Variants in RHOBTB3 observed in about 807,000 individuals in gnomAD.
The protein encoded by RHOBTB3 is Rho related BTB domain containing 3, also known as rho-related BTB domain-containing protein 3.
Under a neutral mutation model 67.2 loss-of-function variants are expected in RHOBTB3, and 47 were observed. The observed-to-expected ratio is 0.70, with a 90% CI of 0.55 to 0.89. RHOBTB3 has a LOEUF of 0.89. RHOBTB3 is among the 40% of genes least tolerant of loss of function. The pLI is 0.00. For synonymous variants in RHOBTB3, 273 were observed against 274.2 expected, an observed-to-expected ratio of 1.00 and a Z score of 0.04; for missense variants, 631 against 750.0, an observed-to-expected ratio of 0.84 and a Z score of 1.85.
At chr5:95,787,830 G>A (rs1746267190) in intron 10 of RHOBTB3, among the ~76,000 whole-genome samples, 1 of 152,200 alleles carries the variant, frequency 6.6e-6, no homozygotes, top group African/African-American at 2.4e-5. Context: ...AAAACAGTGG[G>A]TGCTAGGATC....
intron 3 of RHOBTB3, 32 bp from the exon 4 acceptor site, chr5:95,748,301 G>T: frequency 1.3e-6 from 2 of 1,537,408 alleles, no homozygotes; most frequent in Non-Finnish European, 1.8e-6. Flanking sequence ...GTTTAATTTC[G>T]AAACTCTTTG....
chr5:95,719,853 C>T (rs558470037), intron 1 of RHOBTB3: 1 of 152,314 alleles, frequency 6.6e-6, no homozygotes, highest in South Asian at 2.1e-4. Flanking sequence ...GAAATGATAT[C>T]TCTCTGTGAT....
At position 95,794,121 on chromosome 5, in the gene RHOBTB3, C is replaced by T. The variant is rs1206402056; in HGVS notation, c.*947C>T. The T allele has an allele frequency of 7.0e-6, 3 of 431,486 alleles. No homozygotes were observed. The highest frequency in any genetic ancestry group is 4.1e-5 in the African/African-American group (2 of 48,502). 26.7% of individuals were successfully genotyped at this position (431,486 alleles called of 1,614,324 possible). On this transcript the variant is annotated 3_prime_UTR_variant, in exon 12 of 12. Transcript: ENST00000379982. ...GGAGGTCTGGACCACCCAGGGCCTC[C>T]ACTGCCACCTTGGCTGGCAAGGGAG...
intron 3 of RHOBTB3, 131 bp from the exon 4 acceptor site, chr5:95,748,202 G>A (rs1744977109): frequency 3.8e-6 from 2 of 523,552 alleles, no homozygotes; most frequent in Non-Finnish European, 6.6e-6. Flanking sequence ...TTAGTGGGTA[G>A]TGGATATACT....
Position 95,737,035 on chromosome 5 carries a change from A to C in RHOBTB3, c.375A>C (p.Ser125=), listed in dbSNP as rs1343375073. The C allele has an allele frequency of 6.2e-7, 1 of 1,603,678 alleles. No homozygotes were observed. The highest frequency in any genetic ancestry group is 1.1e-5 in the South Asian group (1 of 90,506). ...CAGTGATAAAAAGAGCATTAAATTC[A>C]GTTCCAGTAATTATTGCTGCTGTTG... ...YIPVIKRALN[S]VPVIIAAVGT... is the part of the protein sequence containing the mutation. The change falls in exon 3 of 12, where the codon TCA becomes TCC. Residue 125 remains serine, a synonymous_variant. Coordinates refer to ENST00000379982, the MANE Select transcript of RHOBTB3 (RefSeq NM_014899.4).
At chr5:95,768,225 G>C in intron 8 of RHOBTB3, 59 bp downstream of exon 8, 1 of 1,511,208 alleles carries the variant, frequency 6.6e-7, no homozygotes, top group Non-Finnish European at 9.1e-7. Context: ...TTCTTTCCTT[G>C]CTTTCTACTT....
intron 3 of RHOBTB3, among the ~76,000 whole-genome samples, chr5:95,741,502 CT>C (rs5869688): frequency 1.5e-4 from 19 of 125,202 alleles, no homozygotes; most frequent in African/African-American, 2.4e-4. Flanking sequence ...TCTCAATTCT[CT>C]TTTTTTTTTC....
chr5:95,778,096 A>G (rs1745942375), intron 8 of RHOBTB3, among the ~76,000 whole-genome samples: 1 of 151,772 alleles, frequency 6.6e-6, no homozygotes. Context: ...TCCAGCCTGG[A>G]CGACAAAGCA....
chr5:95,755,440 G>A lies in RHOBTB3; in HGVS notation c.727G>A (p.Asp243Asn). The A allele has an allele frequency of 6.2e-7, 1 of 1,611,776 alleles. No individual in the cohort carries two copies. The highest frequency in any genetic ancestry group is 1.3e-5 in the African/African-American group (1 of 74,892). ...LKAEASHYNS[D>N]LNNLLFCCQC... The stretch of plus-strand genomic sequence containing the variant: ...GGCTGAAGCGTCACATTATAACTCT[G>A]ACTTAAATAACTTGCTGTTCTGCTG... Residue 243 changes from aspartate to asparagine, a missense_variant, in exon 6 of 12, where the codon GAC becomes AAC. Coordinates refer to ENST00000379982, the MANE Select transcript of RHOBTB3 (RefSeq NM_014899.4).
intron 2 of RHOBTB3, among the ~76,000 whole-genome samples, chr5:95,735,381 A>C (rs1424004776): frequency 6.6e-6 from 1 of 151,966 alleles, no homozygotes; most frequent in East Asian, 1.9e-4. Context: ...ACTTGTGGGA[A>C]ATGAGTGGCT....
chr5:95,770,717 G>T, intron 8 of RHOBTB3: 1 of 437,392 alleles, frequency 2.3e-6, no homozygotes. Context: ...TCCTAGAATA[G>T]GGCTTGACAT....
intron 6 of RHOBTB3, among the ~76,000 whole-genome samples, chr5:95,761,408 T>C (rs890670032): frequency 6.7e-6 from 1 of 149,672 alleles, no homozygotes; most frequent in Non-Finnish European, 1.5e-5. Flanking sequence ...AGTGGCATGA[T>C]CATGGCTCAC....
Position 95,766,434 on chromosome 5 carries a change from CTAAG to C in RHOBTB3, c.1162-1610_1162-1607del, listed in dbSNP as rs377005322. Among the ~76,000 whole-genome samples the C allele has an allele frequency of 4.6e-5, 7 of 151,966 alleles. No homozygotes were observed. The South Asian group carries it at 1.5e-3, about 32-fold the overall frequency. On this transcript the variant is annotated intron_variant, in intron 7 of 11. Coordinates refer to ENST00000379982, the MANE Select transcript of RHOBTB3 (RefSeq NM_014899.4). ...TATGATATTTCAATAAAAATCATAA[CTAAG>C]TCTTTCCAAATTAGGGAACAACATA...
chr5:95,724,890 A>G (rs1032243468), intron 1 of RHOBTB3, among the ~76,000 whole-genome samples: 10 of 152,196 alleles, frequency 6.6e-5, no homozygotes, highest in Non-Finnish European at 1.3e-4. Context: ...ATACTTAAGT[A>G]TATAAAGAAT....
chr5:95,777,141 G>A (rs941817695), intron 8 of RHOBTB3, among the ~76,000 whole-genome samples: 1 of 152,186 alleles, frequency 6.6e-6, no homozygotes, highest in African/African-American at 2.4e-5. Context: ...GAGAGGTACG[G>A]ATGTCCTTTT....
intron 1 of RHOBTB3, among the ~76,000 whole-genome samples, chr5:95,724,578 C>T (rs1754993693): frequency 6.6e-6 from 1 of 152,160 alleles, no homozygotes; most frequent in East Asian, 1.9e-4. Context: ...CCCAGCTCCT[C>T]TACTCCCTAC....
At chr5:95,762,501 G>A (rs1170305824) in intron 6 of RHOBTB3, among the ~76,000 whole-genome samples, 1 of 152,204 alleles carries the variant, frequency 6.6e-6, no homozygotes, top group East Asian at 1.9e-4. Flanking sequence ...ATAAAAAAGG[G>A]TCTTGAATTA....
upstream of RHOBTB3, among the ~76,000 whole-genome samples, chr5:95,727,553 T>A (rs972701698): frequency 6.6e-6 from 1 of 152,130 alleles, no homozygotes; most frequent in Admixed American, 6.5e-5. Context: ...GAAAAAAATA[T>A]TGTTTGGGTT....
intron 1 of RHOBTB3, among the ~76,000 whole-genome samples, chr5:95,719,343 G>A (rs1302948766): frequency 6.6e-6 from 1 of 152,166 alleles, no homozygotes; most frequent in Non-Finnish European, 1.5e-5. Context: ...TACCCAGATT[G>A]GAATTCCAGA....
Sources: gnomAD v4.1 joint callset for allele counts (sites outside exome capture counted in the v4.1 genomes callset) on GRCh38, gnomAD v4.1.1 for gene constraint, MANE v1.5 for transcripts, NCBI Gene and HGNC (gene_info 2026-07-23, HGNC 2026-07-21) for gene names.